Variants in PARD6G observed in about 807,000 individuals in gnomAD.
The protein encoded by PARD6G is partitioning defective 6 homolog gamma.
A neutral mutation model predicts 10.7 loss-of-function variants in PARD6G; 7 were observed. The ratio of observed to expected loss-of-function variants is 0.66; its 90% confidence interval spans 0.37 to 1.23. The LOEUF is 1.23. PARD6G is among the 50% of genes most tolerant of loss of function. PARD6G has a pLI of 0.02. For synonymous variants in PARD6G, 287 were observed against 269.4 expected, an observed-to-expected ratio of 1.07 and a Z score of -0.64; for missense variants, 548 against 571.8, an observed-to-expected ratio of 0.96 and a Z score of 0.42.
chr18:80,216,686 C>A (rs147892193), intron 1 of PARD6G, among the ~76,000 whole-genome samples: 1 of 151,848 alleles, frequency 6.6e-6, no homozygotes, highest in Admixed American at 6.6e-5. Context: ...ATTCAATAAT[C>A]GAAACTTCCA....
intron 2 of PARD6G, among the ~76,000 whole-genome samples, chr18:80,194,425 A>G (rs1231201751): frequency 6.6e-6 from 1 of 152,246 alleles, no homozygotes; most frequent in Admixed American, 6.5e-5. Context: ...CAGTGTCATC[A>G]TGTATAAAAG....
chr18:80,166,913 C>G (rs2052739927), intron 2 of PARD6G, among the ~76,000 whole-genome samples: 1 of 152,070 alleles, frequency 6.6e-6, no homozygotes, highest in African/African-American at 2.4e-5. Context: ...ACCAGAGCCC[C>G]CTTTGATCTC....
chr18:80,178,254 G>A (rs1004069045), intron 2 of PARD6G: 2 of 156,570 alleles, frequency 1.3e-5, no homozygotes, highest in African/African-American at 2.4e-5. Flanking sequence ...ACTCTAAGAG[G>A]AGAACAGGTC....
At position 80,180,965 on chromosome 18, in the gene PARD6G, G is replaced by A. The variant is rs1032905215; in HGVS notation, c.296-20359C>T. Among the ~76,000 whole-genome samples, 2 of 152,242 alleles carry A rather than the reference G, an allele frequency of 1.3e-5. No individual in the cohort carries two copies. Among genetic ancestry groups the A allele is most frequent in the African/African-American group, 4.8e-5 (2 of 41,464 alleles). ...CCACAGCAAAGAAATGTCCAGCGCAGAACGTCAGCAGTGCTGAGGGTAAGA... is the reference window on the plus strand; with the variant it reads ...CCACAGCAAAGAAATGTCCAGCGCAAAACGTCAGCAGTGCTGAGGGTAAGA... On this transcript the variant is annotated intron_variant, in intron 2 of 2. Coordinates refer to ENST00000353265, the MANE Select transcript of PARD6G (RefSeq NM_032510.4). The surrounding 1 kb of genome is among the most constrained non-coding windows in gnomAD (Gnocchi z 5.6).
At chr18:80,211,288 T>A (rs796815107) in intron 1 of PARD6G, among the ~76,000 whole-genome samples, 1 of 152,236 alleles carries the variant, frequency 6.6e-6, no homozygotes, top group South Asian at 2.1e-4. Flanking sequence ...GGTATAGAGA[T>A]CACTGTGAAA....
intron 1 of PARD6G, among the ~76,000 whole-genome samples, chr18:80,205,148 T>G (rs1181404023): frequency 6.6e-6 from 1 of 152,142 alleles, no homozygotes; most frequent in Non-Finnish European, 1.5e-5. Context: ...TATCTCCTGC[T>G]ATTGTCAGAA....
Position 80,246,873 on chromosome 18 carries a change from G to A in PARD6G, c.72+404C>T, listed in dbSNP as rs971336272. Reference sequence around the variant, plus strand: ...CTTGGCCAGGGCCATCCCACGGCCCGGGCCCCCAGAGCCCCCCCACGGCCC... The same window carrying A: ...CTTGGCCAGGGCCATCCCACGGCCCAGGCCCCCAGAGCCCCCCCACGGCCC... On this transcript the variant is annotated intron_variant, in intron 1 of 2. Transcript: ENST00000353265. This position sits in a 1 kb window ranked among gnomAD's most constrained non-coding sequence, Gnocchi z 6.7. Among the ~76,000 whole-genome samples the A allele has an allele frequency of 2.6e-5, 4 of 152,104 alleles. No homozygotes were observed. Among genetic ancestry groups the A allele is most frequent in the Non-Finnish European group, 4.4e-5 (3 of 67,928 alleles).
chr18:80,199,892 G>A (rs1269100925), intron 2 of PARD6G, among the ~76,000 whole-genome samples: 4 of 152,128 alleles, frequency 2.6e-5, no homozygotes, highest in South Asian at 2.1e-4. Context: ...TGATCCACCC[G>A]CCTCGGCCTC....
rs1162984319 is a variant in PARD6G, at chr18:80,188,832, G to A, written c.295+13878C>T. Among the ~76,000 whole-genome samples, 1 of 152,224 alleles carries A rather than the reference G, an allele frequency of 6.6e-6. No individual in the cohort carries two copies. Among genetic ancestry groups the A allele is most frequent in the Non-Finnish European group, 1.5e-5 (1 of 68,038 alleles). On this transcript the variant is annotated intron_variant, in intron 2 of 2. Coordinates refer to ENST00000353265, the MANE Select transcript of PARD6G (RefSeq NM_032510.4). The surrounding 1 kb of genome is among the most constrained non-coding windows in gnomAD (Gnocchi z 5.4). ...GACAAGCCCACGAGATGGGCTTGCG[G>A]GGAAGTCAGGCGGGTGCAATCCCTA...
intron 1 of PARD6G, among the ~76,000 whole-genome samples, chr18:80,230,152 T>C (rs1053674285): frequency 2.0e-5 from 3 of 152,262 alleles, no homozygotes; most frequent in Admixed American, 2.0e-4. Context: ...CAGGGTCTGT[T>C]GGGAGGGGAT....
chr18:80,218,190 A>G (rs1417436423), intron 1 of PARD6G, among the ~76,000 whole-genome samples: 1 of 152,044 alleles, frequency 6.6e-6, no homozygotes, highest in Non-Finnish European at 1.5e-5. Flanking sequence ...CAGTCCCCCA[A>G]AGTCTTAACT....
chr18:80,176,627 A>G (rs1300735958), intron 2 of PARD6G, among the ~76,000 whole-genome samples: 2 of 152,098 alleles, frequency 1.3e-5, no homozygotes, highest in Non-Finnish European at 2.9e-5. Flanking sequence ...GCAGGCAAAC[A>G]TTTCTGTGCG....
rs3087701 is a variant in PARD6G, at chr18:80,158,023, T to C, written c.*1748A>G. On this transcript the variant is annotated 3_prime_UTR_variant, in exon 3 of 3. Coordinates refer to ENST00000353265, the MANE Select transcript of PARD6G (RefSeq NM_032510.4). ...TTTACCTGTATCTGTATGAAAGATT[T>C]GGTCAGAGTTCTCAAAGTATAAATG... 0.19 allele frequency: 29,384 copies of C among 152,214 alleles called. 3,018 individuals are homozygous for C. The highest frequency in any genetic ancestry group is 0.28 in the Middle Eastern group (82 of 294). 9.4% of individuals were successfully genotyped at this position (152,214 alleles called of 1,614,324 possible).
At chr18:80,164,583 T>C (rs1156330585) in intron 2 of PARD6G, among the ~76,000 whole-genome samples, 1 of 152,230 alleles carries the variant, frequency 6.6e-6, no homozygotes, top group Non-Finnish European at 1.5e-5. Flanking sequence ...CACCTAACAA[T>C]AATGTAAAAT....
At chr18:80,179,380 G>T (rs35973311) in intron 2 of PARD6G, among the ~76,000 whole-genome samples, 1 of 152,204 alleles carries the variant, frequency 6.6e-6, no homozygotes, top group Non-Finnish European at 1.5e-5. Flanking sequence ...ACATGCCCTA[G>T]ACTGCAGCAA....
At chr18:80,174,197 C>A (rs2052794570) in intron 2 of PARD6G, among the ~76,000 whole-genome samples, 1 of 152,202 alleles carries the variant, frequency 6.6e-6, no homozygotes, top group Non-Finnish European at 1.5e-5. Context: ...CCTGTATCCT[C>A]TCCAGGTCCA....
In PARD6G at chr18:80,159,749, G is replaced by C. The variant is rs1456937584; in HGVS notation, c.*22C>G. 2 of 1,383,192 alleles carry C rather than the reference G, an allele frequency of 1.4e-6. No homozygotes were observed. Among genetic ancestry groups the C allele is most frequent in the Non-Finnish European group, 1.9e-6 (2 of 1,068,880 alleles). The allele number at this position is 1,383,192 out of a possible 1,614,324, so 85.7% of individuals were successfully genotyped here. A position where few individuals can be genotyped will look rare whatever the true frequency, so the allele number is the denominator to read the frequency against. On this transcript the variant is annotated 3_prime_UTR_variant, in exon 3 of 3. Coordinates refer to ENST00000353265, the MANE Select transcript of PARD6G (RefSeq NM_032510.4). ...GTCCTTACCGGGGAACTGGAGCTAG[G>C]ATTTGGGGGCCTCTCGGGAGTCTAG... is the stretch of plus-strand genomic sequence containing the variant.
intron 1 of PARD6G, among the ~76,000 whole-genome samples, chr18:80,206,735 T>G (rs1967057656): frequency 6.6e-6 from 1 of 152,228 alleles, no homozygotes; most frequent in Admixed American, 6.5e-5. Context: ...AAACAATTAG[T>G]GCCAGCCTAC....
At position 80,180,881 on chromosome 18, in the gene PARD6G, G is replaced by A. The variant is rs2052845159; in HGVS notation, c.296-20275C>T. On this transcript the variant is annotated intron_variant, in intron 2 of 2. Transcript: ENST00000353265. The surrounding 1 kb of genome is among the most constrained non-coding windows in gnomAD (Gnocchi z 5.6). ...TCTAATTGGCACAAGTTGGGGGGAA[G>A]CTCCTGGTATCTAGACAGCAGAGGC... Among the ~76,000 whole-genome samples the A allele has an allele frequency of 6.6e-6, 1 of 152,192 alleles. No individual in the cohort carries two copies. The highest frequency in any genetic ancestry group is 6.5e-5 in the Admixed American group (1 of 15,280).
Sources: allele counts gnomAD v4.1 joint callset (sites outside exome capture counted in the v4.1 genomes callset), GRCh38; gene constraint gnomAD v4.1.1; non-coding constraint Gnocchi (gnomAD v3.1); transcripts MANE v1.5; gene names NCBI Gene and HGNC (gene_info 2026-07-23, HGNC 2026-07-21).